TUB: variants seen among roughly 807,000 people sequenced by gnomAD.
TUB encodes tubby protein homolog.
A neutral mutation model predicts 59.7 loss-of-function variants in TUB; 33 were observed. The ratio of observed to expected loss-of-function variants is 0.55; its 90% CI spans 0.42 to 0.74. The LOEUF (loss-of-function observed/expected upper bound fraction) is 0.74, where lower values mean the gene tolerates loss of function less well. TUB is among the 30% of genes least tolerant of loss of function. TUB has a pLI of 0.00. For missense variants in TUB, 659 were observed against 672.0 expected (o/e 0.98, Z 0.21); for synonymous variants, 293 against 256.4 (o/e 1.14, Z -1.36).
intron 1 of TUB, among the ~76,000 whole-genome samples, chr11:8,022,874 G>A (rs557801650): frequency 6.6e-5 from 10 of 152,256 alleles, no homozygotes; most frequent in African/African-American, 1.7e-4. Context: ...CAGCCTGGCC[G>A]ACAGAGCAAG....
At chr11:8,027,099 A>G (rs1942510154) in intron 1 of TUB, among the ~76,000 whole-genome samples, 1 of 152,158 alleles carries the variant, frequency 6.6e-6, no homozygotes, top group Non-Finnish European at 1.5e-5. Context: ...TGGGATTCTT[A>G]ATTGTGGTAA....
chr11:8,082,170 C>G (rs570982087), intron 1 of TUB, among the ~76,000 whole-genome samples: 2 of 152,242 alleles, frequency 1.3e-5, no homozygotes, highest in Non-Finnish European at 2.9e-5. Flanking sequence ...GCTACTCAGT[C>G]TCTTTCAGAC....
chr11:8,031,615 T>C (rs1337668776), intron 1 of TUB, among the ~76,000 whole-genome samples: 1 of 152,182 alleles, frequency 6.6e-6, no homozygotes, highest in Non-Finnish European at 1.5e-5. Flanking sequence ...CGGGGCCGCA[T>C]CAATGTTGGA....
At chr11:8,044,937 C>A (rs1942808159) in intron 2 of TUB, among the ~76,000 whole-genome samples, 2 of 152,200 alleles carry the variant, frequency 1.3e-5, no homozygotes, top group Admixed American at 1.3e-4. Context: ...TCCATGACTT[C>A]TCCAGGTGTG....
chr11:8,096,219 C>T (rs756396099), intron 5 of TUB, among the ~76,000 whole-genome samples: 16 of 152,166 alleles, frequency 1.1e-4, no homozygotes, highest in Non-Finnish European at 2.2e-4. Context: ...GTCAGTGGGT[C>T]CCCTCCACAT....
At chr11:8,038,694 A>G (rs1942688014) in exon 1 of TUB, 4 of 1,446,498 alleles carry the variant, frequency 2.8e-6, no homozygotes, top group East Asian at 2.4e-5. Flanking sequence ...AGATGTTTCC[A>G]TGTCCTAATT....
Position 8,098,980 on chromosome 11 carries a change from G to C in TUB, c.1116+105G>C, listed in dbSNP as rs552526904. The C allele has an allele frequency of 4.7e-6, 4 of 852,976 alleles. No individual in the cohort carries two copies. In the African/African-American group the frequency reaches 5.0e-5, roughly 11 times the overall value. The allele number at this position is 852,976 out of a possible 1,614,324, so 52.8% of individuals were successfully genotyped here. A position where few individuals can be genotyped will look rare whatever the true frequency, so the allele number is the denominator to read the frequency against. On this transcript the variant is annotated intron_variant, in intron 9 of 11. Coordinates refer to ENST00000299506, the MANE Select transcript of TUB (RefSeq NM_177972.3). ...CCATCCATCTTAGTGGGTAGACAAG[G>C]CTGTGTGGAGAGGGGCTGTCCTCTG...
upstream of TUB, chr11:8,076,866 G>C (rs952059238): frequency 6.6e-6 from 1 of 152,226 alleles, no homozygotes; most frequent in Non-Finnish European, 1.5e-5. Flanking sequence ...TTGGAAAATA[G>C]ACATTGCTTT....
In TUB at chr11:8,101,763, C is replaced by T; in HGVS notation, c.*144C>T. 2 of 1,407,614 alleles carry T rather than the reference C, an allele frequency of 1.4e-6. No homozygotes were observed. The highest frequency in any genetic ancestry group is 1.9e-6 in the Non-Finnish European group (2 of 1,068,440). The allele number at this position is 1,407,614 out of a possible 1,614,324, so 87.2% of individuals were successfully genotyped here. ...TCAGTGGGCTCCCTGGCCCAGCCAG[C>T]CAGGAACTGGCTCCTTTGCCTCTGC... On this transcript the variant is annotated 3_prime_UTR_variant, in exon 12 of 12. Transcript: ENST00000299506.
rs574896569 is a variant in TUB, at chr11:8,093,737, T to G, written c.254-309T>G. On this transcript the variant is annotated intron_variant, in intron 3 of 11. Coordinates refer to ENST00000299506, the MANE Select transcript of TUB (RefSeq NM_177972.3). ...ACATTCTCCCTGCCCCTGTTCAGGC[T>G]CAGTATGGTTTGGTGGCCCAGAACT... Among the ~76,000 whole-genome samples the G allele has an allele frequency of 9.8e-5, 15 of 152,324 alleles. 1 individual carries two copies. Among genetic ancestry groups the G allele is most frequent in the African/African-American group, 2.9e-4 (12 of 41,574 alleles).
At chr11:8,067,374 C>T (rs1050658883) in intron 2 of TUB, 12 of 152,206 alleles carry the variant, frequency 7.9e-5, no homozygotes, top group African/African-American at 2.7e-4. Flanking sequence ...CTTTTGAGAC[C>T]TGCTTCCTGA....
At position 8,097,221 on chromosome 11, in the gene TUB, C is replaced by G. The variant is rs1944037135; in HGVS notation, c.688-7C>G. 6.2e-7 allele frequency: 1 copy of G among 1,613,834 alleles called. No homozygotes were observed. Among genetic ancestry groups the G allele is most frequent in the Non-Finnish European group, 8.5e-7 (1 of 1,179,984 alleles). On this transcript the variant is annotated splice_polypyrimidine_tract_variant and splice_region_variant and intron_variant, in intron 6 of 11. Transcript: ENST00000299506. ...GGGGCTCAGGCACCTATTCTGCATC[C>G]CCATAGGAGGCAGCCTCAGCCCCTA...
intron 2 of TUB, chr11:8,068,526 C>T (rs1407129526): frequency 1.3e-5 from 2 of 152,502 alleles, no homozygotes; most frequent in Non-Finnish European, 1.5e-5. Context: ...CAAGACCCTT[C>T]TTCTCCCTAC....
At position 8,093,153 on chromosome 11, in the gene TUB, C is replaced by G. The variant is rs1001174113; in HGVS notation, c.254-893C>G. On this transcript the variant is annotated intron_variant, in intron 3 of 11. Transcript: ENST00000299506. ...GCCAAATTCTGTGAGTAGATGACAACACCTGCTCTGACGAGGGAGGCAGGC... is the reference window on the plus strand; with the variant it reads ...GCCAAATTCTGTGAGTAGATGACAAGACCTGCTCTGACGAGGGAGGCAGGC... Among the ~76,000 whole-genome samples, 61 of 152,140 alleles carry G rather than the reference C, an allele frequency of 4.0e-4. 1 individual carries two copies. Among genetic ancestry groups the G allele is most frequent in the Admixed American group, 2.7e-3 (42 of 15,294 alleles).
chr11:8,039,938 ACT>A (rs1942719583), intron 2 of TUB, among the ~76,000 whole-genome samples: 1 of 151,574 alleles, frequency 6.6e-6, no homozygotes, highest in Admixed American at 6.6e-5. Flanking sequence ...TTTTGCCTTG[ACT>A]CTAACCGGGT....
intron 2 of TUB, among the ~76,000 whole-genome samples, chr11:8,058,708 C>G (rs1198983821): frequency 1.3e-5 from 2 of 152,040 alleles, no homozygotes; most frequent in Non-Finnish European, 1.5e-5. Flanking sequence ...GTTTCACTTT[C>G]AACTTACTTG....
intron 8 of TUB, among the ~76,000 whole-genome samples, chr11:8,098,052 T>G (rs1179759291): frequency 6.6e-6 from 1 of 151,370 alleles, no homozygotes; most frequent in Non-Finnish European, 1.5e-5. Flanking sequence ...TCCCAGGAGG[T>G]GGGTGCAGGC....
chr11:8,064,248 C>A (rs1239836447), intron 2 of TUB, among the ~76,000 whole-genome samples: 2 of 152,138 alleles, frequency 1.3e-5, no homozygotes, highest in Non-Finnish European at 2.9e-5. Context: ...AAGGAGAACC[C>A]GTGGCCCCAT....
At chr11:8,100,482 G>A (rs1404800793) in intron 9 of TUB, 21 bp from the exon 10 acceptor site, 2 of 1,604,840 alleles carry the variant, frequency 1.2e-6, no homozygotes, top group African/African-American at 2.7e-5. Context: ...CAGGTGGCCA[G>A]TGTTGCGTTC....
Sources: allele counts gnomAD v4.1 joint callset (sites outside exome capture counted in the v4.1 genomes callset), GRCh38; gene constraint gnomAD v4.1.1; transcripts MANE v1.5; gene names NCBI Gene and HGNC (gene_info 2026-07-23, HGNC 2026-07-21).